ELF2: variants seen among roughly 807,000 people sequenced by gnomAD.
The protein encoded by ELF2 is ETS-related transcription factor Elf-2.
A neutral mutation model predicts 54.8 loss-of-function variants in ELF2; 11 were observed. That is an observed-to-expected ratio of 0.20 (90% CI 0.13 to 0.33). The LOEUF (loss-of-function observed/expected upper bound fraction) is 0.33, where lower values mean the gene tolerates loss of function less well. ELF2 is among the 10% of genes least tolerant of loss of function. The pLI, the probability that ELF2 is intolerant of heterozygous loss-of-function variation, is 1.00. For synonymous variants in ELF2, 203 were observed against 245.1 expected (o/e 0.83, Z 1.61); for missense variants, 513 against 703.0 (o/e 0.73, Z 3.06).
intron 4 of ELF2, among the ~76,000 whole-genome samples, chr4:139,088,093 C>A (rs1732185889): frequency 6.6e-6 from 1 of 151,918 alleles, no homozygotes; most frequent in South Asian, 2.1e-4. Context: ...TTGAGACCAG[C>A]CTGGCCAAGG....
At chr4:139,176,490 C>T (rs1051810933) in intron 1 of ELF2, among the ~76,000 whole-genome samples, 2 of 151,988 alleles carry the variant, frequency 1.3e-5, no homozygotes, top group Non-Finnish European at 2.9e-5. Context: ...CCGCAGACTC[C>T]CGCCCTACAC....
At chr4:139,071,444 C>G (rs1729499498) in intron 6 of ELF2, among the ~76,000 whole-genome samples, 1 of 151,852 alleles carries the variant, frequency 6.6e-6, no homozygotes, top group Non-Finnish European at 1.5e-5. Flanking sequence ...GCGTGCCTGG[C>G]TTTTTAAAAA....
chr4:139,102,896 T>A (rs1734052946), intron 4 of ELF2, among the ~76,000 whole-genome samples: 1 of 152,056 alleles, frequency 6.6e-6, no homozygotes, highest in Admixed American at 6.6e-5. Context: ...TGTTTTTTTT[T>A]TTCCCCCCTG....
chr4:139,097,481 G>A (rs897575359), intron 4 of ELF2, among the ~76,000 whole-genome samples: 7 of 152,062 alleles, frequency 4.6e-5, no homozygotes, highest in Non-Finnish European at 7.4e-5. Context: ...GCCGGGTATG[G>A]TAGCATATGC....
At chr4:139,170,653 T>C (rs1742201542) in intron 1 of ELF2, among the ~76,000 whole-genome samples, 1 of 128,168 alleles carries the variant, frequency 7.8e-6, no homozygotes, top group East Asian at 2.1e-4. Context: ...ATCCAGAATA[T>C]ATTTCTAAAA....
At chr4:139,075,578 T>G (rs1730191667) in intron 4 of ELF2, among the ~76,000 whole-genome samples, 1 of 152,140 alleles carries the variant, frequency 6.6e-6, no homozygotes, top group Non-Finnish European at 1.5e-5. Context: ...TACAGGCACA[T>G]GCCACCATAC....
chr4:139,085,324 A>C (rs568964826), intron 4 of ELF2, among the ~76,000 whole-genome samples: 9 of 152,362 alleles, frequency 5.9e-5, no homozygotes, highest in African/African-American at 2.2e-4. Flanking sequence ...TCTGCACACA[A>C]AACTTACATA....
intron 4 of ELF2, among the ~76,000 whole-genome samples, chr4:139,108,257 G>A (rs72949619): frequency 0.015 from 2,246 of 152,256 alleles, 62 homozygotes; most frequent in African/African-American, 0.051. Flanking sequence ...AGAACAGTGA[G>A]AGATAACTAC....
chr4:139,174,759 A>C (rs568284808), intron 1 of ELF2, among the ~76,000 whole-genome samples: 1 of 152,332 alleles, frequency 6.6e-6, no homozygotes, highest in East Asian at 1.9e-4. Context: ...GAATATGCAG[A>C]GTTTATATGC....
chr4:139,060,185 A>G lies in ELF2; in HGVS notation c.1157+139T>C, dbSNP rs1014815417. Reference sequence around the variant, plus strand: ...TTTAACAACAATAAAAAATATAATTAAAACATCAAGCACTTTTCAAAGTCC... The same window carrying G: ...TTTAACAACAATAAAAAATATAATTGAAACATCAAGCACTTTTCAAAGTCC... On this transcript the variant is annotated intron_variant, in intron 9 of 9. Transcript: ENST00000686138. 3.9e-6 allele frequency: 3 copies of G among 765,180 alleles called. No homozygotes were observed. In the Admixed American group the frequency reaches 9.4e-5, roughly 24 times the overall value. The allele number at this position is 765,180 out of a possible 1,614,324, so 47.4% of individuals were successfully genotyped here.
At chr4:139,084,250 A>T (rs1394294005) in intron 4 of ELF2, 17 of 1,608,728 alleles carry the variant, frequency 1.1e-5, no homozygotes, top group Non-Finnish European at 1.4e-5. Context: ...CAGCGGCGGC[A>T]GGGGAGGAGG....
intron 1 of ELF2, among the ~76,000 whole-genome samples, chr4:139,149,981 G>A (rs1186075711): frequency 6.6e-6 from 1 of 152,078 alleles, no homozygotes; most frequent in Non-Finnish European, 1.5e-5. Flanking sequence ...GATCATTTCA[G>A]GCCAGGAGCT....
intron 8 of ELF2, among the ~76,000 whole-genome samples, chr4:139,061,005 A>C (rs1297137382): frequency 2.6e-5 from 4 of 152,158 alleles, no homozygotes. Flanking sequence ...TCTGATTTAC[A>C]TAGGTTGTAA....
Position 139,061,903 on chromosome 4 carries a change from T to A in ELF2, c.768A>T (p.Lys256Asn). The A allele has an allele frequency of 6.2e-7, 1 of 1,613,864 alleles. No individual in the cohort carries two copies. The highest frequency in any genetic ancestry group is 8.5e-7 in the Non-Finnish European group (1 of 1,179,822). ...CCATGGTTTCATAGTTCATGTCTGG[T>A]TTGTTCTTATGCTTTCCCCAAAGCT... The part of the protein sequence containing the change: ...VSKLWGKHKN[K>N]PDMNYETMGR... Residue 256 changes from lysine to asparagine, a missense_variant, in exon 8 of 10, where the codon AAA becomes AAT. By Grantham distance (94) the Lys-to-Asn change is moderately conservative. This residue lies in a region of ELF2 where 19 missense variants were observed against 91.0 expected (regional missense o/e 0.21). Coordinates refer to ENST00000686138, the MANE Select transcript of ELF2 (RefSeq NM_001331036.3).
intron 4 of ELF2, among the ~76,000 whole-genome samples, chr4:139,108,052 ATAAT>A (rs1219990941): frequency 6.6e-6 from 1 of 152,198 alleles, no homozygotes; most frequent in Non-Finnish European, 1.5e-5. Context: ...GAATGTCATG[ATAAT>A]TAATACAAGG....
At chr4:139,115,023 C>T in intron 4 of ELF2, 9 of 1,613,900 alleles carry the variant, frequency 5.6e-6, no homozygotes, top group Non-Finnish European at 7.6e-6. Flanking sequence ...AACAGTCAAC[C>T]AGCAGCTCCT....
At chr4:139,064,598 G>A (rs957647728) in intron 7 of ELF2, among the ~76,000 whole-genome samples, 2 of 152,050 alleles carry the variant, frequency 1.3e-5, no homozygotes, top group Non-Finnish European at 2.9e-5. Context: ...GCTGACCTTC[G>A]GCCGGGCGTG....
rs1211732355 is a variant in ELF2, at chr4:139,139,493, T to G, written c.-247A>C. ...GCTAAAATCTGAACCAGTAGTTCTT[T>G]GGAACTGCCAGCGGGAGGGGAAAAA... On this transcript the variant is annotated 5_prime_UTR_variant, in exon 2 of 10. Coordinates refer to ENST00000686138, the MANE Select transcript of ELF2 (RefSeq NM_001331036.3). 7 of 1,228,454 alleles carry G rather than the reference T, an allele frequency of 5.7e-6. No individual in the cohort carries two copies. The highest frequency in any genetic ancestry group is 6.1e-6 in the Non-Finnish European group (6 of 986,086). 76.1% of individuals were successfully genotyped at this position (1,228,454 alleles called of 1,614,324 possible).
chr4:139,151,019 ATCT>A (rs1739828669), intron 1 of ELF2, among the ~76,000 whole-genome samples: 1 of 131,188 alleles, frequency 7.6e-6, no homozygotes, highest in African/African-American at 3.0e-5. Flanking sequence ...ACGAGGCTCC[ATCT>A]CAAAAAAAAA....
Sources: gnomAD v4.1 joint callset for allele counts (sites outside exome capture counted in the v4.1 genomes callset) on GRCh38, gnomAD v4.1.1 for gene constraint, gnomAD v4.1.1 regional missense constraint, MANE v1.5 for transcripts, NCBI Gene and HGNC (gene_info 2026-07-23, HGNC 2026-07-21) for gene names.